STARD13: variants seen among roughly 807,000 people sequenced by gnomAD.
STARD13 encodes stAR-related lipid transfer protein 13.
In STARD13, 62 loss-of-function variants were observed where a neutral mutation model predicts 106.4. The ratio of observed to expected loss-of-function variants is 0.58; its 90% CI spans 0.48 to 0.72. The LOEUF (loss-of-function observed/expected upper bound fraction) is 0.72. Ranked by LOEUF, STARD13 falls within the 30% of genes least tolerant of loss-of-function variation. STARD13 has a pLI of 0.00. For missense variants in STARD13, 1,387 were observed against 1,424.0 expected (o/e 0.97, Z 0.42); for synonymous variants, 565 against 553.0 (o/e 1.02, Z -0.31).
intron 1 of STARD13, among the ~76,000 whole-genome samples, chr13:33,252,627 A>T (rs539983780): frequency 3.9e-5 from 6 of 152,348 alleles, no homozygotes; most frequent in South Asian, 4.1e-4. Flanking sequence ...AATAGTATTG[A>T]CCCAGCAGGT....
chr13:33,654,403 A>G, the STARD13 span, among the ~76,000 whole-genome samples: 2 of 152,200 alleles, frequency 1.3e-5, no homozygotes, highest in African/African-American at 4.8e-5. Context: ...TTGATATGAA[A>G]TGTGCAAAAT....
intron 1 of STARD13, among the ~76,000 whole-genome samples, chr13:33,178,392 A>G (rs1486570765): frequency 1.3e-5 from 2 of 152,234 alleles, no homozygotes; most frequent in African/African-American, 4.8e-5. Context: ...TTCTAAATAA[A>G]GAATTTCACC....
At chr13:33,482,370 A>C in the STARD13 span, among the ~76,000 whole-genome samples, 1 of 152,334 alleles carries the variant, frequency 6.6e-6, no homozygotes, top group East Asian at 1.9e-4. Flanking sequence ...CAGTTTTAAC[A>C]GTTTTTAACA....
At chr13:33,352,549 T>G (rs971846517), upstream of STARD13, among the ~76,000 whole-genome samples, 8 of 152,268 alleles carry the variant, frequency 5.3e-5, no homozygotes, top group African/African-American at 1.9e-4. Context: ...CTTAAATGAC[T>G]AATTTGAAGA....
the STARD13 span, among the ~76,000 whole-genome samples, chr13:33,552,966 T>G: frequency 1.3e-5 from 2 of 152,160 alleles, no homozygotes. Context: ...TGGTAGACAC[T>G]GAACCATATT....
chr13:33,667,784 G>A, the STARD13 span, among the ~76,000 whole-genome samples: 1 of 152,170 alleles, frequency 6.6e-6, no homozygotes, highest in African/African-American at 2.4e-5. Context: ...CCTTTCAATG[G>A]ATGCTGAAGA....
intron 1 of STARD13, among the ~76,000 whole-genome samples, chr13:33,341,629 A>T (rs1377790919): frequency 6.6e-6 from 1 of 151,674 alleles, no homozygotes; most frequent in Non-Finnish European, 1.5e-5. Flanking sequence ...AAGAAATTTC[A>T]GCGAACCAGC....
the STARD13 span, among the ~76,000 whole-genome samples, chr13:33,551,478 C>T: frequency 6.8e-6 from 1 of 146,852 alleles, no homozygotes; most frequent in African/African-American, 2.5e-5. Flanking sequence ...AGATTAAATA[C>T]TCCAACCAAA....
the STARD13 span, among the ~76,000 whole-genome samples, chr13:33,360,100 C>T: frequency 6.6e-6 from 1 of 152,196 alleles, no homozygotes; most frequent in Non-Finnish European, 1.5e-5. Flanking sequence ...TAACAGAACT[C>T]TTAGGAGTTT....
chr13:33,181,451 G>A (rs1208728806), intron 1 of STARD13, among the ~76,000 whole-genome samples: 1 of 152,104 alleles, frequency 6.6e-6, no homozygotes, highest in Non-Finnish European at 1.5e-5. Context: ...CATGTTCTTA[G>A]CCTAGAGTCT....
At chr13:33,544,474 A>T in the STARD13 span, among the ~76,000 whole-genome samples, 1 of 152,234 alleles carries the variant, frequency 6.6e-6, no homozygotes, top group Non-Finnish European at 1.5e-5. Context: ...AGAAATACAG[A>T]TATTGTTAGA....
At chr13:33,228,956 T>A (rs933234980) in intron 1 of STARD13, among the ~76,000 whole-genome samples, 1 of 152,182 alleles carries the variant, frequency 6.6e-6, no homozygotes, top group Non-Finnish European at 1.5e-5. Flanking sequence ...GCAAAACTTA[T>A]GAAACTACTC....
At chr13:33,158,252 C>T (rs981374712) in intron 3 of STARD13, among the ~76,000 whole-genome samples, 1 of 152,068 alleles carries the variant, frequency 6.6e-6, no homozygotes, top group Non-Finnish European at 1.5e-5. Context: ...AGCCTCAGAG[C>T]CAGGCCTTGG....
At chr13:33,377,537 G>C in the STARD13 span, among the ~76,000 whole-genome samples, 1 of 152,002 alleles carries the variant, frequency 6.6e-6, no homozygotes, top group African/African-American at 2.4e-5. Flanking sequence ...TGTTATCGTA[G>C]ACTCATGGGA....
At chr13:33,492,887 C>T in the STARD13 span, among the ~76,000 whole-genome samples, 1 of 152,150 alleles carries the variant, frequency 6.6e-6, no homozygotes, top group Non-Finnish European at 1.5e-5. Flanking sequence ...GGATCAGGAC[C>T]CCTTTCCAGT....
the STARD13 span, among the ~76,000 whole-genome samples, chr13:33,574,734 C>T: frequency 6.6e-6 from 1 of 151,702 alleles, no homozygotes; most frequent in South Asian, 2.1e-4. Context: ...AGAGCAAGAT[C>T]CTATCTTGGA....
In STARD13 at chr13:33,110,916, A is replaced by G. The variant is rs1874454091; in HGVS notation, c.2608-9T>C. 1 of 1,610,342 alleles carries G rather than the reference A, an allele frequency of 6.2e-7. No individual in the cohort carries two copies. On this transcript the variant is annotated splice_polypyrimidine_tract_variant and intron_variant, in intron 10 of 13. Coordinates refer to ENST00000336934, the MANE Select transcript of STARD13 (RefSeq NM_178006.4). ...ACCAACTCGTGTGGAACCTAGACCA[A>G]CGGATGCATGAAAGGGCAACACACT...
At chr13:33,464,024 C>CTTATATAT in the STARD13 span, among the ~76,000 whole-genome samples, 2 of 112,540 alleles carry the variant, frequency 1.8e-5, no homozygotes, top group African/African-American at 5.8e-5. Flanking sequence ...AAAAAAAATA[C>CTTATATAT]ATATATATAT....
chr13:33,327,466 G>A (rs375805932), intron 1 of STARD13, among the ~76,000 whole-genome samples: 1 of 152,136 alleles, frequency 6.6e-6, no homozygotes, highest in African/African-American at 2.4e-5. Flanking sequence ...AACTCCTGGG[G>A]TCAAGCGATC....
Sources: allele counts gnomAD v4.1 joint callset (sites outside exome capture counted in the v4.1 genomes callset), GRCh38; gene constraint gnomAD v4.1.1; transcripts MANE v1.5; gene names NCBI Gene and HGNC (gene_info 2026-07-23, HGNC 2026-07-21).